Variants in CNOT9 observed in about 807,000 individuals in gnomAD.
CNOT9 encodes RCD1 required for cell differentiation1 homolog.
CNOT9 carries 8 observed loss-of-function variants against 37.4 expected under a neutral mutation model. The observed-to-expected ratio is 0.21, with a 90% CI of 0.13 to 0.39. The LOEUF (loss-of-function observed/expected upper bound fraction) is 0.39. Among genes scored for constraint, CNOT9 ranks in the 10% least tolerant of loss-of-function variants. The pLI is 1.00. For synonymous variants in CNOT9, 120 were observed against 137.6 expected, an observed-to-expected ratio of 0.87 and a Z score of 0.90; for missense variants, 154 against 365.3, an observed-to-expected ratio of 0.42 and a Z score of 4.71.
intron 2 of CNOT9, chr2:218,580,990 C>T (rs775884060): frequency 1.7e-6 from 1 of 577,836 alleles, no homozygotes; most frequent in South Asian, 1.5e-5. Flanking sequence ...TTTCACCTCC[C>T]CCAGGTGATT....
chr2:218,590,822 T>TTTTG (rs71403053), intron 5 of CNOT9, among the ~76,000 whole-genome samples: 1 of 151,188 alleles, frequency 6.6e-6, no homozygotes, highest in Non-Finnish European at 1.5e-5. Flanking sequence ...GTTGTTGTTG[T>TTTTG]TTTGTTTGTT....
chr2:218,574,932 A>G (rs1694114495), intron 1 of CNOT9, among the ~76,000 whole-genome samples: 2 of 152,210 alleles, frequency 1.3e-5, no homozygotes, highest in Admixed American at 1.3e-4. Flanking sequence ...CTTTTATTGT[A>G]TGCAAATTAT....
intron 1 of CNOT9, among the ~76,000 whole-genome samples, chr2:218,573,207 A>G (rs1299720328): frequency 6.6e-6 from 1 of 151,732 alleles, no homozygotes; most frequent in Non-Finnish European, 1.5e-5. Flanking sequence ...AATCCCAGCT[A>G]CTTGGGAGGC....
chr2:218,571,683 T>A (rs1693997752), intron 1 of CNOT9, among the ~76,000 whole-genome samples: 1 of 151,158 alleles, frequency 6.6e-6, no homozygotes, highest in African/African-American at 2.4e-5. Context: ...GCAATTCTCC[T>A]GCCTCAACCT....
chr2:218,588,089 C>A (rs1159970429), intron 5 of CNOT9, among the ~76,000 whole-genome samples: 1 of 152,108 alleles, frequency 6.6e-6, no homozygotes, highest in Admixed American at 6.5e-5. Context: ...AGAATTCTTA[C>A]TCATTGTACA....
At position 218,592,581 on chromosome 2, in the gene CNOT9, T is replaced by G. The variant is rs1014074884; in HGVS notation, c.640-35T>G. On this transcript the variant is annotated intron_variant, in intron 6 of 7. Transcript: ENST00000273064. The surrounding 1 kb of genome is among the most constrained non-coding windows in gnomAD (Gnocchi z 4.1). ...AGAATTTGTTTGTGTTTTGTGTGTT[T>G]TTTCCAACCCCTCCCCTTATTTTGG... 2.5e-6 allele frequency: 4 copies of G among 1,606,376 alleles called. No homozygotes were observed. Among genetic ancestry groups the G allele is most frequent in the Non-Finnish European group, 3.4e-6 (4 of 1,172,988 alleles).
intron 1 of CNOT9, among the ~76,000 whole-genome samples, chr2:218,579,572 C>T (rs534451370): frequency 2.6e-5 from 4 of 152,120 alleles, no homozygotes; most frequent in African/African-American, 4.8e-5. Context: ...CTGCAACCTC[C>T]GCCTCCTGGG....
rs1307212012 is a variant in CNOT9 at position 218,592,182 on chromosome 2, A to G, written c.541-122A>G. ...TACATATATGATAAAGTTGTACATA[A>G]TATACAAGGATCCCTGCTTGCTCAA... On this transcript the variant is annotated intron_variant, in intron 5 of 7. Coordinates refer to ENST00000273064, the MANE Select transcript of CNOT9 (RefSeq NM_005444.3). This position sits in a 1 kb window ranked among gnomAD's most constrained non-coding sequence, Gnocchi z 4.1. The G allele has an allele frequency of 1.4e-6, 1 of 691,920 alleles. No individual in the cohort carries two copies. The highest frequency in any genetic ancestry group is 2.6e-6 in the Non-Finnish European group (1 of 387,776). 42.9% of individuals were successfully genotyped at this position (691,920 alleles called of 1,614,324 possible). A position where few individuals can be genotyped will look rare whatever the true frequency, so the allele number is the denominator to read the frequency against.
intron 4 of CNOT9, 103 bp downstream of exon 4, chr2:218,584,824 T>C: frequency 1.2e-6 from 1 of 820,524 alleles, no homozygotes; most frequent in East Asian, 2.5e-5. Context: ...CAGTCATTCA[T>C]TTTTGTCTTT....
chr2:218,588,588 C>CTTTTTT (rs1172484260), intron 5 of CNOT9, among the ~76,000 whole-genome samples: 427 of 33,452 alleles, frequency 0.013, 132 homozygotes, highest in African/African-American at 0.034. Flanking sequence ...TCCACCCGGC[C>CTTTTTT]TTTTTTTTTT....
intron 5 of CNOT9, among the ~76,000 whole-genome samples, chr2:218,590,547 G>A (rs1694738275): frequency 6.6e-6 from 1 of 152,168 alleles, no homozygotes; most frequent in South Asian, 2.1e-4. Context: ...CTGTTTTATA[G>A]TTTTGGAAGT....
intron 1 of CNOT9, among the ~76,000 whole-genome samples, chr2:218,570,364 T>C (rs902833032): frequency 2.6e-5 from 4 of 152,236 alleles, no homozygotes; most frequent in African/African-American, 9.6e-5. Flanking sequence ...GAGCCAAGTA[T>C]GACTAAGCTA....
chr2:218,576,726 G>T (rs987245745), intron 1 of CNOT9, among the ~76,000 whole-genome samples: 1 of 152,188 alleles, frequency 6.6e-6, no homozygotes, highest in Admixed American at 6.5e-5. Context: ...CCAGCACTTT[G>T]GGAAGCTAAG....
In CNOT9 at chr2:218,594,418, C is replaced by T. The variant is rs1156609534; in HGVS notation, c.*142C>T. 5 of 940,284 alleles carry T rather than the reference C, an allele frequency of 5.3e-6. No individual in the cohort carries two copies. The Admixed American group carries it at 1.4e-4, about 26-fold the overall frequency. 58.2% of individuals were successfully genotyped at this position (940,284 alleles called of 1,614,324 possible). ...CACTGGAGAAAAGGGGCAAGGTACC[C>T]CTGCTGAGGTGTATGGGCTGCCATC... On this transcript the variant is annotated 3_prime_UTR_variant, in exon 8 of 8. Transcript: ENST00000273064.
chr2:218,581,041 G>A (rs1165175113), intron 2 of CNOT9: 6 of 518,892 alleles, frequency 1.2e-5, no homozygotes, highest in Admixed American at 2.3e-5. Flanking sequence ...GACGAACACC[G>A]CTTTAGGAGT....
At chr2:218,575,243 T>G (rs1377172458) in intron 1 of CNOT9, among the ~76,000 whole-genome samples, 1 of 152,226 alleles carries the variant, frequency 6.6e-6, no homozygotes, top group Non-Finnish European at 1.5e-5. Context: ...TTCAATTTGA[T>G]AAACAGATTC....
At chr2:218,585,343 G>C (rs897385266) in intron 4 of CNOT9, among the ~76,000 whole-genome samples, 5 of 152,008 alleles carry the variant, frequency 3.3e-5, no homozygotes, top group Non-Finnish European at 7.4e-5. Flanking sequence ...ATAACTCCAG[G>C]AATATGAATC....
intron 3 of CNOT9, 60 bp downstream of exon 3, chr2:218,583,146 C>A: frequency 9.2e-7 from 1 of 1,084,956 alleles, no homozygotes; most frequent in Non-Finnish European, 1.4e-6. Context: ...CCTAAACGTT[C>A]TCTGAATAAT....
At chr2:218,589,579 T>C (rs1408077714) in intron 5 of CNOT9, among the ~76,000 whole-genome samples, 1 of 152,208 alleles carries the variant, frequency 6.6e-6, no homozygotes, top group East Asian at 1.9e-4. Context: ...CAAAGGATCT[T>C]CCTGCCTTCT....
Sources: gnomAD v4.1 joint callset for allele counts (sites outside exome capture counted in the v4.1 genomes callset) on GRCh38, gnomAD v4.1.1 for gene constraint, Gnocchi (gnomAD v3.1) non-coding constraint, MANE v1.5 for transcripts, NCBI Gene and HGNC (gene_info 2026-07-23, HGNC 2026-07-21) for gene names.